The following GRIK1 variants were observed in gnomAD, a reference collection of about 807,000 sequenced individuals.
The protein encoded by GRIK1 is glutamate ionotropic receptor kainate type subunit 1.
Under a neutral mutation model 105.7 loss-of-function variants are expected in GRIK1, and 69 were observed. The ratio of observed to expected loss-of-function variants is 0.65; its 90% CI spans 0.54 to 0.80. The LOEUF (loss-of-function observed/expected upper bound fraction) is 0.80, where lower values mean the gene tolerates loss of function less well. Among genes scored for constraint, GRIK1 ranks in the 30% least tolerant of loss-of-function variants. The pLI, the probability that GRIK1 is intolerant of heterozygous loss-of-function variation, is 0.00. For missense variants in GRIK1, 1,109 were observed against 1,167.3 expected (o/e 0.95, Z 0.73); for synonymous variants, 438 against 431.3 (o/e 1.02, Z -0.19).
intron 1 of GRIK1, among the ~76,000 whole-genome samples, chr21:29,776,815 T>G (rs1329605337): frequency 6.6e-6 from 1 of 152,198 alleles, no homozygotes; most frequent in Non-Finnish European, 1.5e-5. Flanking sequence ...TAGGTAGATA[T>G]CCATTCAACA....
chr21:29,833,531 A>C (rs1420543520), intron 1 of GRIK1, among the ~76,000 whole-genome samples: 1 of 152,206 alleles, frequency 6.6e-6, no homozygotes, highest in African/African-American at 2.4e-5. Flanking sequence ...TTGTGGTAGA[A>C]GGTAAAGGGG....
chr21:29,620,838 CAT>C (rs1191563405), intron 7 of GRIK1, among the ~76,000 whole-genome samples: 4 of 124,130 alleles, frequency 3.2e-5, no homozygotes, highest in Non-Finnish European at 6.6e-5. Flanking sequence ...ATATTATAGT[CAT>C]AAAATATATA....
intron 7 of GRIK1, among the ~76,000 whole-genome samples, chr21:29,620,345 T>C (rs1464807549): frequency 6.6e-6 from 1 of 152,132 alleles, no homozygotes; most frequent in Non-Finnish European, 1.5e-5. Context: ...TCATGCAAGG[T>C]TTACAGCAGT....
chr21:29,905,072 T>C, intron 1 of GRIK1, among the ~76,000 whole-genome samples: 1 of 152,160 alleles, frequency 6.6e-6, no homozygotes, highest in East Asian at 1.9e-4. Context: ...AAATTTAGAA[T>C]CAGAGGGTCA....
chr21:29,576,056 A>T (rs921392290), intron 14 of GRIK1, among the ~76,000 whole-genome samples: 4 of 152,072 alleles, frequency 2.6e-5, no homozygotes, highest in African/African-American at 7.2e-5. Flanking sequence ...TCCCAAAAAA[A>T]ACTTTAGCCC....
chr21:29,677,237 T>C (rs988439280), intron 3 of GRIK1, among the ~76,000 whole-genome samples: 1 of 152,214 alleles, frequency 6.6e-6, no homozygotes, highest in African/African-American at 2.4e-5. Flanking sequence ...TTATTGTACA[T>C]GTCCTGCAAC....
chr21:29,838,569 T>C (rs1298891078), intron 1 of GRIK1, among the ~76,000 whole-genome samples: 1 of 152,158 alleles, frequency 6.6e-6, no homozygotes, highest in Non-Finnish European at 1.5e-5. Flanking sequence ...TCAAAGATAT[T>C]GCCTGCCTGC....
chr21:29,719,214 G>A (rs1156915108), intron 1 of GRIK1, among the ~76,000 whole-genome samples: 1 of 149,924 alleles, frequency 6.7e-6, no homozygotes, highest in African/African-American at 2.5e-5. Context: ...TATTTATCTA[G>A]TATTTTTATC....
At chr21:29,891,127 GA>G (rs1433592023) in intron 1 of GRIK1, among the ~76,000 whole-genome samples, 1 of 152,116 alleles carries the variant, frequency 6.6e-6, no homozygotes, top group Non-Finnish European at 1.5e-5. Context: ...CTGTCAGAAT[GA>G]AACTAGTCAT....
intron 1 of GRIK1, among the ~76,000 whole-genome samples, chr21:29,697,928 C>CTCTTTCTTTCTTTCTTTCTT (rs139206707): frequency 2.1e-5 from 3 of 145,862 alleles, no homozygotes; most frequent in Non-Finnish European, 4.5e-5. Flanking sequence ...CTCTCTCTCT[C>CTCTTTCTTTCTTTCTTTCTT]TCTTTCTTTC....
intron 1 of GRIK1, among the ~76,000 whole-genome samples, chr21:29,769,281 A>T (rs1387293053): frequency 6.6e-6 from 1 of 152,166 alleles, no homozygotes; most frequent in Non-Finnish European, 1.5e-5. Flanking sequence ...ATACAACAGG[A>T]GTCTTTATAA....
chr21:29,929,420 C>G (rs943908580), intron 1 of GRIK1, among the ~76,000 whole-genome samples: 8 of 152,150 alleles, frequency 5.3e-5, no homozygotes, highest in African/African-American at 1.9e-4. Context: ...CTTAACAAAA[C>G]CAATAAACTT....
At chr21:29,549,414 T>A (rs2090094247) in intron 16 of GRIK1, among the ~76,000 whole-genome samples, 1 of 152,228 alleles carries the variant, frequency 6.6e-6, no homozygotes, top group South Asian at 2.1e-4. Flanking sequence ...GAGATCCTTT[T>A]AAGAAGGAAT....
intron 1 of GRIK1, among the ~76,000 whole-genome samples, chr21:29,720,744 C>T (rs2064299403): frequency 6.6e-6 from 1 of 152,046 alleles, no homozygotes; most frequent in Non-Finnish European, 1.5e-5. Context: ...CACACGCACC[C>T]CAGAAATGTT....
At chr21:29,756,756 A>G (rs773854107) in intron 1 of GRIK1, among the ~76,000 whole-genome samples, 27 of 152,330 alleles carry the variant, frequency 1.8e-4, no homozygotes, top group Admixed American at 4.6e-4. Flanking sequence ...CAACAGTTTA[A>G]AAAAATAAAA....
At chr21:29,932,027 C>A (rs866446938) in intron 1 of GRIK1, among the ~76,000 whole-genome samples, 26 of 152,120 alleles carry the variant, frequency 1.7e-4, no homozygotes, top group Middle Eastern at 3.4e-3. Flanking sequence ...AGGCATAATT[C>A]TAATATAAAA....
chr21:29,822,602 T>A (rs1012860218), intron 1 of GRIK1, among the ~76,000 whole-genome samples: 6 of 152,004 alleles, frequency 3.9e-5, no homozygotes, highest in Admixed American at 2.0e-4. Flanking sequence ...TACATGCACA[T>A]CTTCTAGGAA....
rs576069574 is a variant in GRIK1, at chr21:29,626,672, A to C, written c.1098+16154T>G. Among the ~76,000 whole-genome samples the C allele has an allele frequency of 2.6e-5, 4 of 152,298 alleles. No individual in the cohort carries two copies. In the South Asian group the frequency reaches 6.2e-4, roughly 24 times the overall value. ...CTCTCTAGTTTTTGCTAATTGATTC[A>C]TGCACTCCAGTCATAATTTTACTGG... is the stretch of plus-strand genomic sequence containing the variant. On this transcript the variant is annotated intron_variant, in intron 7 of 17. Transcript: ENST00000327783.
rs545033593 is a variant in GRIK1, at chr21:29,787,205, A to G, written c.119-93142T>C. Among the ~76,000 whole-genome samples the G allele has an allele frequency of 4.7e-4, 71 of 152,344 alleles. 1 individual carries two copies. Among genetic ancestry groups the G allele is most frequent in the African/African-American group, 1.7e-3 (70 of 41,576 alleles). ...TTAATCCTGGGAACATGACAGGTGC[A>G]TTTATTAATACAGAGGACTTAGTGT... is the stretch of plus-strand genomic sequence containing the variant. On this transcript the variant is annotated intron_variant, in intron 1 of 17. Transcript: ENST00000327783.
Sources: allele counts gnomAD v4.1 joint callset (sites outside exome capture counted in the v4.1 genomes callset), GRCh38; gene constraint gnomAD v4.1.1; transcripts MANE v1.5; gene names NCBI Gene and HGNC (gene_info 2026-07-23, HGNC 2026-07-21).